Variants in ANKFY1 observed in about 807,000 individuals in gnomAD.
The protein encoded by ANKFY1 is ankyrin repeat and FYVE domain containing 1, also known as ankyrin repeat and FYVE domain-containing protein 1.
ANKFY1 carries 47 observed loss-of-function variants against 128.3 expected under a neutral mutation model. The observed-to-expected ratio is 0.37, with a 90% confidence interval of 0.29 to 0.47. ANKFY1 has a LOEUF of 0.47. ANKFY1 is among the 20% of genes least tolerant of loss of function. ANKFY1 has a pLI of 1.00. For synonymous variants in ANKFY1, 553 were observed against 601.6 expected (o/e 0.92, Z 1.18); for missense variants, 1,222 against 1,510.6 (o/e 0.81, Z 3.17).
intron 8 of ANKFY1, 122 bp from the exon 9 acceptor site, chr17:4,195,593 G>C (rs1258339133): frequency 1.6e-5 from 12 of 768,838 alleles, no homozygotes; most frequent in Non-Finnish European, 2.5e-5. Flanking sequence ...ATTTCTACAA[G>C]GCTTCTAAAA....
chr17:4,228,007 T>C (rs2060453215), intron 3 of ANKFY1, among the ~76,000 whole-genome samples: 1 of 152,096 alleles, frequency 6.6e-6, no homozygotes, highest in African/African-American at 2.4e-5. Flanking sequence ...ACTCAAGAGA[T>C]ATAAAAACAT....
chr17:4,215,158 A>G (rs2060199426), intron 4 of ANKFY1, among the ~76,000 whole-genome samples: 1 of 151,854 alleles, frequency 6.6e-6, no homozygotes, highest in Admixed American at 6.6e-5. Context: ...GCGTGGTGGC[A>G]GTCGTCTGTA....
At chr17:4,242,152 C>T in intron 2 of ANKFY1, 104 bp downstream of exon 2, 1 of 1,205,750 alleles carries the variant, frequency 8.3e-7, no homozygotes, top group African/African-American at 1.6e-5. Context: ...TTGCTAATAT[C>T]CTCATTAGAG....
At position 4,175,219 on chromosome 17, in the gene ANKFY1, G is replaced by A. The variant is rs115788908; in HGVS notation, c.2776-1163C>T. On this transcript the variant is annotated intron_variant, in intron 19 of 24. Coordinates refer to ENST00000341657, the MANE Select transcript of ANKFY1 (RefSeq NM_001330063.2). ...GTAATGGTGTGCACCTGTAATCACA[G>A]CTACTCGGGAGGATGAGATGGGAGG... Among the ~76,000 whole-genome samples, 786 of 151,794 alleles carry A rather than the reference G, an allele frequency of 5.2e-3. 5 individuals are homozygous for A. Among genetic ancestry groups the A allele is most frequent in the African/African-American group, 0.018 (766 of 41,422 alleles).
intron 4 of ANKFY1, 78 bp from the exon 5 acceptor site, chr17:4,210,025 G>T: frequency 7.0e-7 from 1 of 1,431,958 alleles, no homozygotes; most frequent in South Asian, 1.3e-5. Context: ...GATCATCTTT[G>T]TACTGGCTGG....
At chr17:4,199,294 T>C (rs1411201655) in intron 7 of ANKFY1, among the ~76,000 whole-genome samples, 1 of 152,208 alleles carries the variant, frequency 6.6e-6, no homozygotes, top group Non-Finnish European at 1.5e-5. Context: ...GCTCAGAGGA[T>C]TCTCCTAACT....
At chr17:4,231,962 A>G (rs1468456613) in intron 3 of ANKFY1, among the ~76,000 whole-genome samples, 1 of 152,008 alleles carries the variant, frequency 6.6e-6, no homozygotes, top group African/African-American at 2.4e-5. Flanking sequence ...GAAAGAAAGA[A>G]ATATCAATTA....
chr17:4,240,151 G>A (rs1482868267), intron 2 of ANKFY1, among the ~76,000 whole-genome samples: 9 of 137,378 alleles, frequency 6.6e-5, no homozygotes, highest in East Asian at 2.3e-4. Context: ...TGCAACCTCC[G>A]CCTATCGAGT....
At chr17:4,263,482 C>CAA in intron 1 of ANKFY1, 1 of 737,024 alleles carries the variant, frequency 1.4e-6, no homozygotes, top group Non-Finnish European at 2.0e-6. Context: ...CACCCCACCT[C>CAA]ACCCCAACCC....
intron 7 of ANKFY1, among the ~76,000 whole-genome samples, chr17:4,205,333 T>C (rs568817791): frequency 5.3e-5 from 8 of 152,320 alleles, no homozygotes; most frequent in Non-Finnish European, 7.4e-5. Flanking sequence ...AAAATGACCA[T>C]TGCAAAGCAA....
At chr17:4,231,885 C>T (rs533762655) in intron 3 of ANKFY1, among the ~76,000 whole-genome samples, 4 of 150,510 alleles carry the variant, frequency 2.7e-5, no homozygotes, top group South Asian at 2.1e-4. Flanking sequence ...TGCAGTGAGC[C>T]GTGATTGCAC....
intron 7 of ANKFY1, among the ~76,000 whole-genome samples, chr17:4,202,726 T>C (rs944486013): frequency 1.7e-5 from 2 of 118,812 alleles, no homozygotes; most frequent in Non-Finnish European, 3.6e-5. Context: ...AAAAGAGAGA[T>C]AAATACACAG....
At chr17:4,229,514 G>C (rs992364678) in intron 3 of ANKFY1, among the ~76,000 whole-genome samples, 1 of 151,410 alleles carries the variant, frequency 6.6e-6, no homozygotes, top group African/African-American at 2.4e-5. Context: ...ATTTAATACA[G>C]ATAAAAAGAA....
intron 3 of ANKFY1, among the ~76,000 whole-genome samples, chr17:4,233,273 C>T (rs775732783): frequency 1.3e-5 from 2 of 151,922 alleles, no homozygotes; most frequent in African/African-American, 4.8e-5. Flanking sequence ...GATCCTATCA[C>T]ACATTTTGTG....
At chr17:4,207,440 C>A (rs1567944130) in intron 6 of ANKFY1, among the ~76,000 whole-genome samples, 2 of 152,286 alleles carry the variant, frequency 1.3e-5, no homozygotes, top group East Asian at 1.9e-4. Context: ...CCTGTAAGTG[C>A]AAGAATCTGA....
Position 4,181,416 on chromosome 17 carries a change from G to T in ANKFY1, c.2122-44C>A. 7.0e-7 allele frequency: 1 copy of T among 1,435,250 alleles called. No individual in the cohort carries two copies. The highest frequency in any genetic ancestry group is 9.8e-7 in the Non-Finnish European group (1 of 1,017,544). 88.9% of individuals were successfully genotyped at this position (1,435,250 alleles called of 1,614,324 possible). On this transcript the variant is annotated intron_variant, in intron 15 of 24. Transcript: ENST00000341657. This position sits in a 1 kb window ranked among gnomAD's most constrained non-coding sequence, Gnocchi z 4.9. ...TATTCACAAACACTGCTGAGCAAAGGCAAACAGTTTTATTACCAAGTCTGA... is the reference window on the plus strand; with the variant it reads ...TATTCACAAACACTGCTGAGCAAAGTCAAACAGTTTTATTACCAAGTCTGA...
intron 12 of ANKFY1, 107 bp downstream of exon 12, chr17:4,184,711 A>C: frequency 2.4e-6 from 3 of 1,250,870 alleles, no homozygotes; most frequent in Non-Finnish European, 3.4e-6. Context: ...GGGGTAAGAA[A>C]CTAGCCATAT....
At position 4,179,040 on chromosome 17, in the gene ANKFY1, G is replaced by C. The variant is rs368217882; in HGVS notation, c.2415C>G (p.Thr805=). The C allele has an allele frequency of 3.1e-6, 5 of 1,613,998 alleles. No homozygotes were observed. The African/African-American group carries it at 6.7e-5, about 22-fold the overall frequency. Residue 805 remains threonine (T), a synonymous_variant, in exon 18 of 25, where the codon ACC becomes ACG. Transcript: ENST00000341657. The part of the protein sequence containing the change: ...NVNAQDAEGR[T]PIHVAISSQH... The stretch of plus-strand genomic sequence containing the variant: ...GGCTGCTGATGGCCACGTGGATGGG[G>C]GTTCTTCCTTCTGCATCCTATGGAA...
chr17:4,220,659 T>C (rs1158832780), intron 3 of ANKFY1, among the ~76,000 whole-genome samples: 1 of 152,206 alleles, frequency 6.6e-6, no homozygotes, highest in Non-Finnish European at 1.5e-5. Context: ...ACTCCTGCCG[T>C]GACTCTTCCC....
Sources: allele counts gnomAD v4.1 joint callset (sites outside exome capture counted in the v4.1 genomes callset), GRCh38; gene constraint gnomAD v4.1.1; non-coding constraint Gnocchi (gnomAD v3.1); transcripts MANE v1.5; gene names NCBI Gene and HGNC (gene_info 2026-07-23, HGNC 2026-07-21).